SEC14L1: variants seen among roughly 807,000 people sequenced by gnomAD.
SEC14L1 encodes SEC14-like protein 1.
Under a neutral mutation model 85.3 loss-of-function variants are expected in SEC14L1, and 48 were observed. The ratio of observed to expected loss-of-function variants is 0.56; its 90% CI spans 0.45 to 0.72. The LOEUF is 0.72. SEC14L1 is among the 30% of genes least tolerant of loss of function. The probability of loss-of-function intolerance (pLI) is 0.00; values close to 1 mark genes in which losing one functional copy is unlikely to be tolerated. For synonymous variants in SEC14L1, 391 were observed against 355.5 expected (o/e 1.10, Z -1.12); for missense variants, 682 against 921.4 (o/e 0.74, Z 3.36).
At chr17:77,177,069 A>G (rs1190555602) in intron 3 of SEC14L1, among the ~76,000 whole-genome samples, 2 of 152,198 alleles carry the variant, frequency 1.3e-5, no homozygotes, top group African/African-American at 2.4e-5. Context: ...TTATTAGGAC[A>G]TAAATGCTTT....
At chr17:77,207,156 A>G (rs1002437865) in intron 13 of SEC14L1, among the ~76,000 whole-genome samples, 2 of 152,228 alleles carry the variant, frequency 1.3e-5, no homozygotes, top group African/African-American at 2.4e-5. Context: ...TCTTTAAACA[A>G]TTTTAGAGGA....
At chr17:77,129,900 G>C (rs1359367793) in intron 3 of SEC14L1, among the ~76,000 whole-genome samples, 1 of 152,138 alleles carries the variant, frequency 6.6e-6, no homozygotes, top group African/African-American at 2.4e-5. Flanking sequence ...ACAGCCAGGG[G>C]ATTCATTGCT....
chr17:77,137,568 A>G (rs1201167911), upstream of SEC14L1, among the ~76,000 whole-genome samples: 1 of 152,212 alleles, frequency 6.6e-6, no homozygotes, highest in African/African-American at 2.4e-5. Context: ...ATTCAACATG[A>G]GATTTGAGTT....
At chr17:77,112,217 G>C (rs1421365792) in intron 3 of SEC14L1, among the ~76,000 whole-genome samples, 2 of 152,046 alleles carry the variant, frequency 1.3e-5, no homozygotes, top group African/African-American at 4.8e-5. Context: ...AGTTTCCTGA[G>C]ACTTTCCTAG....
chr17:77,118,168 C>G (rs1972220190), intron 3 of SEC14L1, among the ~76,000 whole-genome samples: 1 of 152,364 alleles, frequency 6.6e-6, no homozygotes, highest in East Asian at 1.9e-4. Context: ...AGGGTGAGTG[C>G]GGCAGGCCGC....
At chr17:77,174,745 A>G (rs1039160211) in intron 3 of SEC14L1, among the ~76,000 whole-genome samples, 7 of 152,196 alleles carry the variant, frequency 4.6e-5, no homozygotes, top group African/African-American at 1.7e-4. Context: ...GATTGTTGGG[A>G]ACAAGTAAGC....
At position 77,142,694 on chromosome 17, in the gene SEC14L1, C is replaced by T. The variant is rs1024713137; in HGVS notation, c.-87C>T. The T allele has an allele frequency of 6.6e-6, 1 of 151,176 alleles. No homozygotes were observed. Among genetic ancestry groups the T allele is most frequent in the African/African-American group, 2.4e-5 (1 of 41,036 alleles). 9.4% of individuals were successfully genotyped at this position (151,176 alleles called of 1,614,324 possible). A position where few individuals can be genotyped will look rare whatever the true frequency, so the allele number is the denominator to read the frequency against. Reference sequence around the variant, plus strand: ...TATTCAGTTTTGTATGTTTGAATATCCTCTCACCATGTTCAGCATAAAGTA... The same window carrying T: ...TATTCAGTTTTGTATGTTTGAATATTCTCTCACCATGTTCAGCATAAAGTA... On this transcript the variant is annotated 5_prime_UTR_variant, in exon 2 of 17. Transcript: ENST00000436233.
At chr17:77,201,044 T>C (rs1976112071) in intron 9 of SEC14L1, among the ~76,000 whole-genome samples, 1 of 152,238 alleles carries the variant, frequency 6.6e-6, no homozygotes, top group Non-Finnish European at 1.5e-5. Context: ...TTTCAATGAC[T>C]TAAACCCTAT....
intron 3 of SEC14L1, among the ~76,000 whole-genome samples, chr17:77,103,280 T>G (rs1471195713): frequency 1.3e-5 from 2 of 151,520 alleles, no homozygotes; most frequent in Admixed American, 6.6e-5. Flanking sequence ...GCCTGGCTAA[T>G]TTTTGTATTT....
intron 13 of SEC14L1, among the ~76,000 whole-genome samples, chr17:77,207,214 A>G (rs370255771): frequency 1.3e-5 from 2 of 151,840 alleles, no homozygotes; most frequent in Non-Finnish European, 2.9e-5. Flanking sequence ...TCAGTTCTCA[A>G]AATTTCCCAC....
intron 3 of SEC14L1, among the ~76,000 whole-genome samples, chr17:77,151,395 G>A (rs1973548489): frequency 6.6e-6 from 1 of 152,112 alleles, no homozygotes; most frequent in African/African-American, 2.4e-5. Context: ...GTGCTCCTTT[G>A]TACAGAGCCA....
chr17:77,194,795 A>T lies in SEC14L1; in HGVS notation c.593A>T (p.Lys198Met), dbSNP rs771461335. The change falls in exon 7 of 17, where the codon AAG becomes ATG. Residue 198 changes from lysine (K) to methionine (M), a missense_variant. Coordinates refer to ENST00000436233, the MANE Select transcript of SEC14L1 (RefSeq NM_001143998.2). ...TSSETSSSSS[K>M]KQAASMAVVI... ...TCAGAGACATCTTCATCATCCTCCAAGAAACAAGCAGCGTCCATGGCCGTC... is the reference window on the plus strand; with the variant it reads ...TCAGAGACATCTTCATCATCCTCCATGAAACAAGCAGCGTCCATGGCCGTC... 1 of 1,614,218 alleles carries T rather than the reference A, an allele frequency of 6.2e-7. No individual in the cohort carries two copies. Among genetic ancestry groups the T allele is most frequent in the Admixed American group, 1.7e-5 (1 of 60,034 alleles).
chr17:77,143,495 G>A (rs1282245469), intron 2 of SEC14L1, 72 bp from the exon 3 acceptor site: 2 of 810,636 alleles, frequency 2.5e-6, no homozygotes, highest in East Asian at 2.6e-5. Flanking sequence ...GTGGTATGAT[G>A]TGTCAGTGCA....
At chr17:77,167,146 C>CT (rs72037954) in intron 3 of SEC14L1, among the ~76,000 whole-genome samples, 3,548 of 134,516 alleles carry the variant, frequency 0.026, 125 homozygotes, top group African/African-American at 0.079. Context: ...TTTCTTTTTC[C>CT]TTTTTTTTTT....
At chr17:77,128,459 T>TG (rs1427087515) in intron 3 of SEC14L1, among the ~76,000 whole-genome samples, 3 of 135,958 alleles carry the variant, frequency 2.2e-5, no homozygotes, top group Non-Finnish European at 4.6e-5. Context: ...TATTTTATTA[T>TG]GTTTTTTTTT....
chr17:77,142,802 T>G (rs1421625289), intron 2 of SEC14L1, 52 bp downstream of exon 2: 1 of 152,246 alleles, frequency 6.6e-6, no homozygotes, highest in East Asian at 1.9e-4. Flanking sequence ...GACAGAGGAC[T>G]GGCAAGTCCA....
chr17:77,132,226 A>AG (rs1972633991), intron 3 of SEC14L1, among the ~76,000 whole-genome samples: 1 of 133,382 alleles, frequency 7.5e-6, no homozygotes, highest in African/African-American at 2.9e-5. Context: ...TCTGCATGGA[A>AG]TTTTTTTTTT....
Position 77,213,648 on chromosome 17 carries a change from CG to C in SEC14L1, c.2042+158del. The C allele has an allele frequency of 1.1e-6, 1 of 932,580 alleles. No individual in the cohort carries two copies. Among genetic ancestry groups the C allele is most frequent in the African/African-American group, 1.6e-5 (1 of 61,534 alleles). The allele number at this position is 932,580 out of a possible 1,614,324, so 57.8% of individuals were successfully genotyped here. ...GTGGCTTTGGGGTCATTTGTTGGCA[CG>C]GTGACTCCCTGCCTGTCTGCAGAGG... On this transcript the variant is annotated intron_variant, in intron 16 of 16. Transcript: ENST00000436233. This position sits in a 1 kb window ranked among gnomAD's most constrained non-coding sequence, Gnocchi z 7.1.
intron 2 of SEC14L1, 124 bp from the exon 3 acceptor site, chr17:77,143,443 A>G (rs962973406): frequency 7.0e-6 from 4 of 571,032 alleles, no homozygotes; most frequent in Middle Eastern, 3.7e-4. Flanking sequence ...TTTTGTGTGC[A>G]TAGAATTATG....
Sources: gnomAD v4.1 joint callset for allele counts (sites outside exome capture counted in the v4.1 genomes callset) on GRCh38, gnomAD v4.1.1 for gene constraint, Gnocchi (gnomAD v3.1) non-coding constraint, MANE v1.5 for transcripts, NCBI Gene and HGNC (gene_info 2026-07-23, HGNC 2026-07-21) for gene names.